The following ZFYVE28 variants were observed in gnomAD, a reference collection of about 807,000 sequenced individuals.
ZFYVE28 encodes zinc finger FYVE-type containing 28, also known as lateral signaling target protein 2 homolog.
ZFYVE28 carries 40 observed loss-of-function variants against 82.1 expected under a neutral mutation model. That is an observed-to-expected ratio of 0.49 (90% CI 0.38 to 0.63). The LOEUF is 0.63. ZFYVE28 is among the 30% of genes least tolerant of loss of function. ZFYVE28 has a pLI of 0.00. For synonymous variants in ZFYVE28, 612 were observed against 546.1 expected, an observed-to-expected ratio of 1.12 and a Z score of -1.68; for missense variants, 1,321 against 1,242.1, an observed-to-expected ratio of 1.06 and a Z score of -0.96.
chr4:2,358,833 G>C (rs1454777334), intron 1 of ZFYVE28, among the ~76,000 whole-genome samples: 5 of 151,950 alleles, frequency 3.3e-5, no homozygotes, highest in Non-Finnish European at 5.9e-5. Context: ...ACAGGGTCTT[G>C]CTCTATCCCC....
At chr4:2,271,483 C>A (rs73797553) in intron 11 of ZFYVE28, 69 bp from the exon 12 acceptor site, 38,084 of 1,529,926 alleles carry the variant, frequency 0.025, 859 homozygotes, top group South Asian at 0.084. Context: ...GACCCTCAAC[C>A]TACCCTGGGC....
chr4:2,322,005 C>A (rs1157328438), intron 6 of ZFYVE28, among the ~76,000 whole-genome samples: 1 of 152,236 alleles, frequency 6.6e-6, no homozygotes, highest in Non-Finnish European at 1.5e-5. Flanking sequence ...CTCCTGGGAG[C>A]CTGCGGGGAC....
In ZFYVE28 at chr4:2,320,211, G is replaced by C; in HGVS notation, c.762C>G (p.Ser254=). 2 of 1,612,374 alleles carry C rather than the reference G, an allele frequency of 1.2e-6. No homozygotes were observed. Among genetic ancestry groups the C allele is most frequent in the Non-Finnish European group, 1.7e-6 (2 of 1,179,290 alleles). ...LNLDRKVEDM[S]ELFRPFHTLL... Reference sequence around the variant, plus strand: ...ACGTGTGGAAGGGCCGGAACAGCTCGGACATGTCTTCCACCTTGCGGTCCA... The same window carrying C: ...ACGTGTGGAAGGGCCGGAACAGCTCCGACATGTCTTCCACCTTGCGGTCCA... The change falls in exon 7 of 13, where the codon TCC becomes TCG. Residue 254 remains serine (S), a synonymous_variant. Coordinates refer to ENST00000290974, the MANE Select transcript of ZFYVE28 (RefSeq NM_020972.3). This position sits in a 1 kb window ranked among gnomAD's most constrained non-coding sequence, Gnocchi z 5.1.
chr4:2,346,180 A>T (rs1409666348), intron 2 of ZFYVE28, among the ~76,000 whole-genome samples: 1 of 150,362 alleles, frequency 6.7e-6, no homozygotes, highest in Non-Finnish European at 1.5e-5. Context: ...AAAAAAAAAA[A>T]AAATACAAAA....
intron 4 of ZFYVE28, 89 bp from the exon 5 acceptor site, chr4:2,337,585 G>C: frequency 9.6e-7 from 1 of 1,042,192 alleles, no homozygotes; most frequent in Non-Finnish European, 1.4e-6. Flanking sequence ...AATTAAAGCT[G>C]CAATGCTGGG....
chr4:2,412,210 G>A (rs1240041946), intron 1 of ZFYVE28, among the ~76,000 whole-genome samples: 1 of 152,146 alleles, frequency 6.6e-6, no homozygotes, highest in East Asian at 1.9e-4. Context: ...CCACTGAGAC[G>A]CTTTCACTCT....
Position 2,394,247 on chromosome 4 carries a change from C to A in ZFYVE28, c.39+24038G>T, listed in dbSNP as rs1221941379. ...CGAGCAGGCGTAGTTCCATCTTTAA[C>A]CTTTACTTCCCCTTTGCCACACACC... On this transcript the variant is annotated intron_variant, in intron 1 of 12. Transcript: ENST00000290974. The surrounding 1 kb of genome is among the most constrained non-coding windows in gnomAD (Gnocchi z 4.0). Among the ~76,000 whole-genome samples the A allele has an allele frequency of 6.6e-6, 1 of 152,212 alleles. No homozygotes were observed. Among genetic ancestry groups the A allele is most frequent in the Non-Finnish European group, 1.5e-5 (1 of 68,038 alleles).
intron 1 of ZFYVE28, among the ~76,000 whole-genome samples, chr4:2,376,674 C>T (rs1038435765): frequency 2.0e-5 from 3 of 152,162 alleles, no homozygotes; most frequent in South Asian, 2.1e-4. Flanking sequence ...GGGAACTGCC[C>T]CCTTGATTCA....
intron 7 of ZFYVE28, among the ~76,000 whole-genome samples, chr4:2,313,470 C>T (rs1312346956): frequency 6.6e-6 from 1 of 152,074 alleles, no homozygotes; most frequent in African/African-American, 2.4e-5. Context: ...GTTGCCTGGG[C>T]TGGTCTCAAA....
intron 8 of ZFYVE28, among the ~76,000 whole-genome samples, chr4:2,278,682 A>C (rs1711518726): frequency 6.6e-6 from 1 of 152,078 alleles, no homozygotes; most frequent in Admixed American, 6.6e-5. Flanking sequence ...AATTTTTGCA[A>C]ATCATGTGTC....
At chr4:2,296,897 T>C (rs1044659408) in intron 8 of ZFYVE28, among the ~76,000 whole-genome samples, 1 of 151,968 alleles carries the variant, frequency 6.6e-6, no homozygotes, top group Non-Finnish European at 1.5e-5. Flanking sequence ...GCTGCCTGTG[T>C]CCTCTGAGCC....
intron 2 of ZFYVE28, among the ~76,000 whole-genome samples, chr4:2,351,119 G>A (rs558881878): frequency 1.4e-4 from 22 of 152,282 alleles, no homozygotes; most frequent in Admixed American, 9.2e-4. Flanking sequence ...TGAATGGGGG[G>A]CCGTCTTGTG....
intron 2 of ZFYVE28, among the ~76,000 whole-genome samples, chr4:2,353,115 G>T (rs1244623461): frequency 6.6e-6 from 1 of 152,234 alleles, no homozygotes; most frequent in African/African-American, 2.4e-5. Flanking sequence ...CCAAAAAAGA[G>T]CCCAGAGCCT....
At chr4:2,387,405 G>A (rs1236449098) in intron 1 of ZFYVE28, among the ~76,000 whole-genome samples, 4 of 152,244 alleles carry the variant, frequency 2.6e-5, no homozygotes, top group African/African-American at 4.8e-5. Flanking sequence ...CCTGCCGGCC[G>A]GAAGCAGGAG....
At chr4:2,398,417 C>T (rs1003098486) in intron 1 of ZFYVE28, among the ~76,000 whole-genome samples, 11 of 152,168 alleles carry the variant, frequency 7.2e-5, no homozygotes, top group Admixed American at 1.3e-4. Context: ...GGCAGCCAAG[C>T]GGGGCTGCTA....
chr4:2,379,025 A>G (rs1224834415), intron 1 of ZFYVE28, among the ~76,000 whole-genome samples: 1 of 152,134 alleles, frequency 6.6e-6, no homozygotes, highest in South Asian at 2.1e-4. Flanking sequence ...CATCCTGGTG[A>G]GCCACTGGGA....
At chr4:2,319,809 CGGTGGGGAT>C (rs1182487884) in intron 7 of ZFYVE28, among the ~76,000 whole-genome samples, 591 of 20,094 alleles carry the variant, frequency 0.029, 5 homozygotes, top group African/African-American at 0.098. Flanking sequence ...ACGGTGGGGA[CGGTGGGGAT>C]GGTGGGGATG....
chr4:2,373,545 A>C (rs1382647103), intron 1 of ZFYVE28, among the ~76,000 whole-genome samples: 1 of 152,186 alleles, frequency 6.6e-6, no homozygotes, highest in Non-Finnish European at 1.5e-5. Context: ...AAAAATGTAA[A>C]AGAAAAACAG....
rs956826298 is a variant in ZFYVE28, at chr4:2,394,543, G to A, written c.39+23742C>T. 1.9e-4 allele frequency among the ~76,000 whole-genome samples: 29 copies of A among 152,184 alleles called. No homozygotes were observed. Among genetic ancestry groups the A allele is most frequent in the African/African-American group, 6.8e-4 (28 of 41,426 alleles). ...ACGGGGTGGTTGACCGCATGAGAAG[G>A]GTCATGAACCACAAGTTATGATGGC... On this transcript the variant is annotated intron_variant, in intron 1 of 12. Coordinates refer to ENST00000290974, the MANE Select transcript of ZFYVE28 (RefSeq NM_020972.3). This position sits in a 1 kb window ranked among gnomAD's most constrained non-coding sequence, Gnocchi z 4.0.
Sources: gnomAD v4.1 joint callset for allele counts (sites outside exome capture counted in the v4.1 genomes callset) on GRCh38, gnomAD v4.1.1 for gene constraint, Gnocchi (gnomAD v3.1) non-coding constraint, MANE v1.5 for transcripts, NCBI Gene and HGNC (gene_info 2026-07-23, HGNC 2026-07-21) for gene names.